Variants in BLVRB observed in about 807,000 individuals in gnomAD.
BLVRB encodes biliverdin reductase B.
A neutral mutation model predicts 21.1 loss-of-function variants in BLVRB; 25 were observed. The ratio of observed to expected loss-of-function variants is 1.19; its 90% CI spans 0.86 to 1.66. BLVRB has a LOEUF of 1.66. BLVRB is among the 40% of genes most tolerant of loss of function. BLVRB has a pLI of 0.00. For missense variants in BLVRB, 274 were observed against 282.7 expected (o/e 0.97, Z 0.22); for synonymous variants, 128 against 122.2 (o/e 1.05, Z -0.31).
intron 1 of BLVRB, 33 bp from the exon 2 acceptor site, chr19:40,458,578 G>T: frequency 6.4e-7 from 1 of 1,552,374 alleles, no homozygotes; most frequent in Non-Finnish European, 8.7e-7. Flanking sequence ...AGCCTGGTCA[G>T]TGGGCTGGCA....
intron 3 of BLVRB, chr19:40,457,881 GC>G: frequency 2.4e-6 from 1 of 418,404 alleles, no homozygotes; most frequent in Non-Finnish European, 4.1e-6. Flanking sequence ...TATCCCCTCT[GC>G]CTGCCTCCCG....
intron 3 of BLVRB, among the ~76,000 whole-genome samples, chr19:40,455,524 A>G: frequency 6.6e-6 from 1 of 151,916 alleles, no homozygotes; most frequent in African/African-American, 2.4e-5. Context: ...AACCCCATCT[A>G]TACTAAAAAT....
rs1276313325 is a variant in BLVRB, at chr19:40,452,478, A to ATT, written c.335-988_335-987dup. Among the ~76,000 whole-genome samples, 457 of 137,900 alleles carry ATT rather than the reference A, an allele frequency of 3.3e-3. 5 individuals are homozygous for ATT. Among genetic ancestry groups the ATT allele is most frequent in the African/African-American group, 9.6e-3 (361 of 37,524 alleles). 90.5% of individuals were successfully genotyped at this position (137,900 alleles called of 152,430 possible). On this transcript the variant is annotated intron_variant, in intron 3 of 4. Transcript: ENST00000263368. Reference sequence around the variant, plus strand: ...CAGGGGTGAGCCACCAAACCCCACTATTTTTTTTTTTTTTTGAGACAGAGT... The same window carrying ATT: ...CAGGGGTGAGCCACCAAACCCCACTATTTTTTTTTTTTTTTTTGAGACAGAGT...
intron 3 of BLVRB, among the ~76,000 whole-genome samples, chr19:40,454,538 C>T (rs536868474): frequency 8.4e-6 from 1 of 119,458 alleles, no homozygotes; most frequent in East Asian, 2.0e-4. Flanking sequence ...TCTAACTTAC[C>T]CCTAGTTTCT....
chr19:40,461,631 C>T lies in BLVRB; in HGVS notation c.80-3086G>A, dbSNP rs549316977. 2.0e-5 allele frequency among the ~76,000 whole-genome samples: 3 copies of T among 152,098 alleles called. No individual in the cohort carries two copies. The East Asian group carries it at 5.8e-4, about 29-fold the overall frequency. On this transcript the variant is annotated intron_variant, in intron 1 of 4. Transcript: ENST00000263368. ...TCTCCTGCCTCAGCCTCCTGAGTAGCTGTGATTACAGGCGCCTGCCACCAT... is the reference window on the plus strand; with the variant it reads ...TCTCCTGCCTCAGCCTCCTGAGTAGTTGTGATTACAGGCGCCTGCCACCAT...
intron 1 of BLVRB, among the ~76,000 whole-genome samples, chr19:40,462,630 G>A (rs1392723411): frequency 1.4e-5 from 2 of 147,540 alleles, no homozygotes; most frequent in South Asian, 4.5e-4. Flanking sequence ...GGTGGCTCAC[G>A]CCTGTAATCC....
chr19:40,454,320 G>A lies in BLVRB; in HGVS notation c.335-2828C>T, dbSNP rs565382805. On this transcript the variant is annotated intron_variant, in intron 3 of 4. Coordinates refer to ENST00000263368, the MANE Select transcript of BLVRB (RefSeq NM_000713.3). The stretch of plus-strand genomic sequence containing the variant: ...GTTTTTGTATTTTTGGTAGAGACGG[G>A]GTTTCACCATGTTGGCCAGGCTGGT... Among the ~76,000 whole-genome samples, 4 of 152,076 alleles carry A rather than the reference G, an allele frequency of 2.6e-5. No individual in the cohort carries two copies. The South Asian group carries it at 8.3e-4, about 32-fold the overall frequency.
intron 1 of BLVRB, 101 bp downstream of exon 1, chr19:40,465,509 G>T: frequency 7.0e-7 from 1 of 1,428,964 alleles, no homozygotes; most frequent in Non-Finnish European, 9.5e-7. Flanking sequence ...CCTGGCTGGG[G>T]CGCTCATGGC....
chr19:40,459,110 A>T (rs1000450109), intron 1 of BLVRB, among the ~76,000 whole-genome samples: 1 of 150,588 alleles, frequency 6.6e-6, no homozygotes, highest in Non-Finnish European at 1.5e-5. Context: ...CGGGCAGATC[A>T]CCTGAGGTCA....
chr19:40,462,871 G>C (rs1421910462), intron 1 of BLVRB, among the ~76,000 whole-genome samples: 1 of 134,698 alleles, frequency 7.4e-6, no homozygotes, highest in Non-Finnish European at 1.5e-5. Flanking sequence ...CAGCCTGGGC[G>C]GCAGAGTGAG....
chr19:40,464,979 A>G (rs1438401831), intron 1 of BLVRB, among the ~76,000 whole-genome samples: 1 of 152,030 alleles, frequency 6.6e-6, no homozygotes, highest in Non-Finnish European at 1.5e-5. Context: ...TTCAGCCCTC[A>G]TTGACTTTCC....
At chr19:40,462,464 G>A (rs1266357826) in intron 1 of BLVRB, among the ~76,000 whole-genome samples, 2 of 151,234 alleles carry the variant, frequency 1.3e-5, no homozygotes, top group Non-Finnish European at 3.0e-5. Flanking sequence ...ATTTTTAGTA[G>A]AGATGGGGTT....
intron 3 of BLVRB, among the ~76,000 whole-genome samples, chr19:40,456,149 T>A (rs1050177145): frequency 1.3e-5 from 2 of 152,206 alleles, no homozygotes; most frequent in Non-Finnish European, 2.9e-5. Context: ...GCAGCCATGA[T>A]GTATGTAAGC....
intron 1 of BLVRB, among the ~76,000 whole-genome samples, chr19:40,461,766 T>C (rs1197799641): frequency 3.3e-5 from 5 of 152,102 alleles, no homozygotes; most frequent in African/African-American, 1.2e-4. Flanking sequence ...CCCCAAAGTG[T>C]TGGGATTACA....
chr19:40,460,449 G>A (rs1033414620), intron 1 of BLVRB, among the ~76,000 whole-genome samples: 21 of 149,882 alleles, frequency 1.4e-4, no homozygotes, highest in Non-Finnish European at 2.4e-4. Flanking sequence ...GCAACATAGT[G>A]AAACCCCGTC....
intron 1 of BLVRB, among the ~76,000 whole-genome samples, chr19:40,461,192 T>C (rs147271838): frequency 0.015 from 2,256 of 152,228 alleles, 128 homozygotes; most frequent in Admixed American, 0.11. Context: ...CTATTACACC[T>C]TGTAACCATT....
chr19:40,450,842 GTATCTATCTATCTATCTATCTATC>G (rs200198444), intron 4 of BLVRB, among the ~76,000 whole-genome samples: 32 of 144,736 alleles, frequency 2.2e-4, no homozygotes, highest in Admixed American at 4.9e-4. Context: ...CCTGGCCTAT[GTATCTATCTATCTATCTATCTATC>G]TATCTATCTA....
At chr19:40,461,915 C>T (rs1311641244) in intron 1 of BLVRB, among the ~76,000 whole-genome samples, 1 of 152,232 alleles carries the variant, frequency 6.6e-6, no homozygotes, top group Non-Finnish European at 1.5e-5. Context: ...CCGGTCCCCC[C>T]AGTAACTTGT....
chr19:40,454,348 C>T (rs1162969221), intron 3 of BLVRB, among the ~76,000 whole-genome samples: 3 of 152,070 alleles, frequency 2.0e-5, no homozygotes, highest in South Asian at 2.1e-4. Flanking sequence ...AGGCTGGTCT[C>T]GAACTCCTGA....
Sources: allele counts gnomAD v4.1 joint callset (sites outside exome capture counted in the v4.1 genomes callset), GRCh38; gene constraint gnomAD v4.1.1; transcripts MANE v1.5; gene names NCBI Gene and HGNC (gene_info 2026-07-23, HGNC 2026-07-21).